Variants in CLMN observed in about 807,000 individuals in gnomAD.
CLMN encodes the protein calmin (calponin-like, transmembrane).
Under a neutral mutation model 92.7 loss-of-function variants are expected in CLMN, and 57 were observed. The observed-to-expected ratio is 0.61, with a 90% CI of 0.50 to 0.77. The LOEUF is 0.77. Among genes scored for constraint, CLMN ranks in the 30% least tolerant of loss-of-function variants. The pLI is 0.00. For missense variants in CLMN, 1,158 were observed against 1,237.5 expected, an observed-to-expected ratio of 0.94 and a Z score of 0.96; for synonymous variants, 466 against 470.6, an observed-to-expected ratio of 0.99 and a Z score of 0.13.
intron 1 of CLMN, among the ~76,000 whole-genome samples, chr14:95,268,554 ATGGAACT>A (rs2140715927): frequency 6.6e-6 from 1 of 152,288 alleles, no homozygotes; most frequent in African/African-American, 2.4e-5. Context: ...AATCCTTTTG[ATGGAACT>A]TTCTTCATCT....
chr14:95,223,574 TGG>T (rs1897614755), intron 3 of CLMN, among the ~76,000 whole-genome samples, 184 bp downstream of exon 3: 2 of 152,090 alleles, frequency 1.3e-5, no homozygotes, highest in African/African-American at 4.8e-5. Flanking sequence ...TAAAATACAT[TGG>T]CTTAAAAAAA....
chr14:95,201,058 A>T (rs1412110629), intron 9 of CLMN, among the ~76,000 whole-genome samples: 1 of 151,990 alleles, frequency 6.6e-6, no homozygotes, highest in Non-Finnish European at 1.5e-5. Flanking sequence ...TACCTAATGT[A>T]GATGATGGGT....
chr14:95,299,206 C>G (rs1047916498), intron 1 of CLMN, among the ~76,000 whole-genome samples: 2 of 152,140 alleles, frequency 1.3e-5, no homozygotes, highest in African/African-American at 4.8e-5. Context: ...GTGCTCCCCC[C>G]AACCCCACCA....
chr14:95,203,111 G>A lies in CLMN; in HGVS notation c.2238C>T (p.Asp746=). Residue 746 remains aspartate, a synonymous_variant, in exon 9 of 13, where the codon GAC becomes GAT. Transcript: ENST00000298912. ...LAAVLEAYVE[D]PEDLKNEEMD... ...TTTCTTCATTTTTTAGATCCTCCGG[G>A]TCTTCTACATAAGCCTCCAAAACTG... 1 of 1,613,432 alleles carries A rather than the reference G, an allele frequency of 6.2e-7. No individual in the cohort carries two copies.
At chr14:95,245,180 A>ATATATATATATATAATATATATATATAT (rs1898420965) in intron 1 of CLMN, among the ~76,000 whole-genome samples, 3 of 39,342 alleles carry the variant, frequency 7.6e-5, no homozygotes, top group African/African-American at 1.2e-4. Flanking sequence ...TATATTATAT[A>ATATATATATATATAATATATATATATAT]TATATATATA....
chr14:95,198,600 CG>C (rs1399957393), intron 9 of CLMN, among the ~76,000 whole-genome samples: 1 of 152,096 alleles, frequency 6.6e-6, no homozygotes, highest in African/African-American at 2.4e-5. Context: ...GTGAGGCAGA[CG>C]GTGTTGATTT....
intron 1 of CLMN, among the ~76,000 whole-genome samples, chr14:95,236,387 C>A (rs374594258): frequency 2.0e-5 from 3 of 152,228 alleles, no homozygotes; most frequent in Non-Finnish European, 4.4e-5. Flanking sequence ...CAGAACATCT[C>A]GCGCAGCTTG....
intron 12 of CLMN, chr14:95,192,771 G>A (rs61976559): frequency 0.085 from 12,980 of 153,186 alleles, 744 homozygotes; most frequent in Middle Eastern, 0.18. Context: ...CAAAGTGCTG[G>A]GATTACAGGC....
chr14:95,304,059 C>G (rs1448001351), intron 1 of CLMN, among the ~76,000 whole-genome samples: 1 of 152,218 alleles, frequency 6.6e-6, no homozygotes, highest in Non-Finnish European at 1.5e-5. Flanking sequence ...CATCTTCAGC[C>G]AGACGTGGTG....
chr14:95,248,901 A>G lies in CLMN; in HGVS notation c.83-18768T>C, dbSNP rs1220233881. On this transcript the variant is annotated intron_variant, in intron 1 of 12. Transcript: ENST00000298912. ...AAGTTTTATGTTTTATTTACAAAAAATTACTATGTACCCTGTACATAGTGC... is the reference window on the plus strand; with the variant it reads ...AAGTTTTATGTTTTATTTACAAAAAGTTACTATGTACCCTGTACATAGTGC... Among the ~76,000 whole-genome samples the G allele has an allele frequency of 2.0e-5, 3 of 152,168 alleles. No individual in the cohort carries two copies. In the South Asian group the frequency reaches 6.2e-4, roughly 32 times the overall value.
chr14:95,300,508 G>A (rs1236181055), intron 1 of CLMN, among the ~76,000 whole-genome samples: 1 of 152,226 alleles, frequency 6.6e-6, no homozygotes, highest in African/African-American at 2.4e-5. Context: ...TGTGTATTCG[G>A]TACTCCAGAT....
chr14:95,222,542 A>G (rs1897579770), intron 3 of CLMN: 2 of 455,206 alleles, frequency 4.4e-6, no homozygotes, highest in South Asian at 1.6e-5. Flanking sequence ...GCTGGGCTCC[A>G]GAATCAAAGA....
rs1356922771 is a variant in CLMN at position 95,259,420 on chromosome 14, G to C, written c.83-29287C>G. On this transcript the variant is annotated intron_variant, in intron 1 of 12. Coordinates refer to ENST00000298912, the MANE Select transcript of CLMN (RefSeq NM_024734.4). The surrounding 1 kb of genome is among the most constrained non-coding windows in gnomAD (Gnocchi z 4.3). ...AGGAAATGTGCGTGGACAAACCTCC[G>C]GGTTACCAGAATGTGCACTTTATGA... Among the ~76,000 whole-genome samples, 1 of 152,120 alleles carries C rather than the reference G, an allele frequency of 6.6e-6. No homozygotes were observed. Among genetic ancestry groups the C allele is most frequent in the Non-Finnish European group, 1.5e-5 (1 of 68,016 alleles).
intron 2 of CLMN, among the ~76,000 whole-genome samples, chr14:95,228,239 A>G (rs543985656): frequency 4.5e-4 from 68 of 152,346 alleles, no homozygotes; most frequent in African/African-American, 1.5e-3. Flanking sequence ...CTACCCTGAC[A>G]CACATCAGGC....
At position 95,259,134 on chromosome 14, in the gene CLMN, G is replaced by T. The variant is rs942823144; in HGVS notation, c.83-29001C>A. 6.6e-6 allele frequency among the ~76,000 whole-genome samples: 1 copy of T among 152,030 alleles called. No homozygotes were observed. The highest frequency in any genetic ancestry group is 1.5e-5 in the Non-Finnish European group (1 of 67,994). On this transcript the variant is annotated intron_variant, in intron 1 of 12. Coordinates refer to ENST00000298912, the MANE Select transcript of CLMN (RefSeq NM_024734.4). The surrounding 1 kb of genome is among the most constrained non-coding windows in gnomAD (Gnocchi z 4.3). ...CTATGTGCATCTGTGTGTGTGAAGT[G>T]GGGTGTGCACTCAGGGAGTTGGTGC...
chr14:95,202,547 C>A (rs1896913312), intron 9 of CLMN, among the ~76,000 whole-genome samples: 1 of 152,160 alleles, frequency 6.6e-6, no homozygotes, highest in Admixed American at 6.5e-5. Context: ...TCTGCTGGAC[C>A]CTCAAAGGTG....
Position 95,319,796 on chromosome 14 carries a change from G to T in CLMN, c.-4C>A. 2.0e-6 allele frequency: 3 copies of T among 1,530,540 alleles called. No homozygotes were observed. The highest frequency in any genetic ancestry group is 2.6e-6 in the Non-Finnish European group (3 of 1,142,108). 94.8% of individuals were successfully genotyped at this position (1,530,540 alleles called of 1,614,324 possible). A position where few individuals can be genotyped will look rare whatever the true frequency, so the allele number is the denominator to read the frequency against. ...AGTCCCACTCGTGTGCAGCCATGAAGCGCGGGCGGGAGAGCCCGGGCCAGC... is the reference window on the plus strand; with the variant it reads ...AGTCCCACTCGTGTGCAGCCATGAATCGCGGGCGGGAGAGCCCGGGCCAGC... On this transcript the variant is annotated 5_prime_UTR_variant, in exon 1 of 13. Transcript: ENST00000298912.
rs142902415 is a variant in CLMN at position 95,304,549 on chromosome 14, G to A, written c.82+15162C>T. 5.2e-4 allele frequency among the ~76,000 whole-genome samples: 79 copies of A among 152,108 alleles called. 1 individual carries two copies. In the East Asian group the frequency reaches 0.015, roughly 29 times the overall value. The stretch of plus-strand genomic sequence containing the variant: ...TGCATCCCCTCCCCCACATCTCCCA[G>A]CTGGGTGACTGTCCCTCCCCCATCA... On this transcript the variant is annotated intron_variant, in intron 1 of 12. Transcript: ENST00000298912.
rs78950135 is a variant in CLMN at position 95,257,327 on chromosome 14, T to C, written c.83-27194A>G. Among the ~76,000 whole-genome samples the C allele has an allele frequency of 1.5e-3, 221 of 152,338 alleles. 5 individuals are homozygous for C. The East Asian group carries it at 0.036, about 25-fold the overall frequency. ...TTCATTTCCCTCTTAATTAATCCTC[T>C]GCAAATAACAGATTTACATCATTCT... is the stretch of plus-strand genomic sequence containing the variant. On this transcript the variant is annotated intron_variant, in intron 1 of 12. Coordinates refer to ENST00000298912, the MANE Select transcript of CLMN (RefSeq NM_024734.4).
Sources: gnomAD v4.1 joint callset for allele counts (sites outside exome capture counted in the v4.1 genomes callset) on GRCh38, gnomAD v4.1.1 for gene constraint, Gnocchi (gnomAD v3.1) non-coding constraint, MANE v1.5 for transcripts, NCBI Gene and HGNC (gene_info 2026-07-23, HGNC 2026-07-21) for gene names.